DMP1: variants seen among roughly 807,000 people sequenced by gnomAD.
The protein encoded by DMP1 is dentin matrix protein 1.
Under a neutral mutation model 14.6 loss-of-function variants are expected in DMP1, and 20 were observed. The ratio of observed to expected loss-of-function variants is 1.37; its 90% CI spans 0.96 to 1.99. The LOEUF (loss-of-function observed/expected upper bound fraction) is 1.99. Ranked by LOEUF, DMP1 falls within the 30% of genes most tolerant of loss-of-function variation. The probability of loss-of-function intolerance (pLI) is 0.00; values close to 1 mark genes in which losing one functional copy is unlikely to be tolerated. For synonymous variants in DMP1, 197 were observed against 215.3 expected (o/e 0.91, Z 0.75); for missense variants, 567 against 620.5 (o/e 0.91, Z 0.92).
chr4:87,654,187 C>A (rs2110010662), intron 1 of DMP1, among the ~76,000 whole-genome samples: 1 of 152,172 alleles, frequency 6.6e-6, no homozygotes, highest in South Asian at 2.1e-4. Context: ...TTCTTTAAGG[C>A]CAGTTGTTAC....
intron 1 of DMP1, among the ~76,000 whole-genome samples, chr4:87,651,085 T>C (rs1008416937): frequency 1.3e-5 from 2 of 152,204 alleles, no homozygotes; most frequent in Non-Finnish European, 2.9e-5. Context: ...CACTTCTTCA[T>C]CTGTGTGACG....
Position 87,659,472 on chromosome 4 carries a change from G to A in DMP1, c.177G>A (p.Glu59=). The A allele has an allele frequency of 6.2e-7, 1 of 1,613,914 alleles. No homozygotes were observed. The highest frequency in any genetic ancestry group is 8.5e-7 in the Non-Finnish European group (1 of 1,179,872). Residue 59 remains glutamate (E), a synonymous_variant, in exon 5 of 6, where the codon GAG becomes GAA. Coordinates refer to ENST00000339673, the MANE Select transcript of DMP1 (RefSeq NM_004407.4). ...ESSEGSKVSS[E]EQANEDPSDS... The stretch of plus-strand genomic sequence containing the variant: ...CAGAAGGCAGTAAAGTTAGCTCAGA[G>A]GAACAGGTAATTAAACAGACCTTTC...
In DMP1 at chr4:87,662,956, C is replaced by A; in HGVS notation, c.1178C>A (p.Ser393Tyr). The A allele has an allele frequency of 6.2e-7, 1 of 1,614,156 alleles. No individual in the cohort carries two copies. The highest frequency in any genetic ancestry group is 8.5e-7 in the Non-Finnish European group (1 of 1,180,030). ...SSEEDSSHTL[S>Y]HSKSESREEQ... ...GAGGAGGACAGCTCGCACACACTCTCCCACTCAAAAAGTGAATCCAGAGAG... is the reference window on the plus strand; with the variant it reads ...GAGGAGGACAGCTCGCACACACTCTACCACTCAAAAAGTGAATCCAGAGAG... Residue 393 changes from serine (S) to tyrosine (Y), a missense_variant, in exon 6 of 6, where the codon TCC becomes TAC. By Grantham distance (144) the Ser-to-Tyr change is moderately radical. Coordinates refer to ENST00000339673, the MANE Select transcript of DMP1 (RefSeq NM_004407.4).
In DMP1 at chr4:87,654,531, A is replaced by G. The variant is rs1172723904; in HGVS notation, c.-21-1941A>G. Among the ~76,000 whole-genome samples, 4 of 152,322 alleles carry G rather than the reference A, an allele frequency of 2.6e-5. No individual in the cohort carries two copies. The East Asian group carries it at 7.7e-4, about 29-fold the overall frequency. On this transcript the variant is annotated intron_variant, in intron 1 of 5. Transcript: ENST00000339673. The stretch of plus-strand genomic sequence containing the variant: ...CCAAAATTGAGGATGCACCTGGGAA[A>G]AATGAACACAAAACTACCAGAAACA...
Position 87,663,700 on chromosome 4 carries a change from C to T in DMP1, c.*380C>T, listed in dbSNP as rs150349595. 634 of 324,902 alleles carry T rather than the reference C, an allele frequency of 2.0e-3. 3 individuals carry two copies. The highest frequency in any genetic ancestry group is 0.012 in the African/African-American group (536 of 46,548). 20.1% of individuals were successfully genotyped at this position (324,902 alleles called of 1,614,324 possible). On this transcript the variant is annotated 3_prime_UTR_variant, in exon 6 of 6. Coordinates refer to ENST00000339673, the MANE Select transcript of DMP1 (RefSeq NM_004407.4). The stretch of plus-strand genomic sequence containing the variant: ...AGACTTGTTTCTTGCTCCTGAGGAG[C>T]GTATAGAAGGACCCACAAAGCTACA...
At position 87,660,105 on chromosome 4, in the gene DMP1, CT is replaced by C. The variant is rs1728817723; in HGVS notation, c.183+628del. Among the ~76,000 whole-genome samples, 3 of 152,256 alleles carry C rather than the reference CT, an allele frequency of 2.0e-5. No individual in the cohort carries two copies. In the South Asian group the frequency reaches 6.2e-4, roughly 32 times the overall value. ...GCTATTGTTTTGACCAAACTCAATC[CT>C]GTGGGGCTCCAGAGAGTCCAGGAGC... On this transcript the variant is annotated intron_variant, in intron 5 of 5. Coordinates refer to ENST00000339673, the MANE Select transcript of DMP1 (RefSeq NM_004407.4).
intron 1 of DMP1, 39 bp from the exon 2 acceptor site, chr4:87,656,433 C>A: frequency 8.3e-7 from 1 of 1,210,546 alleles, no homozygotes; most frequent in Non-Finnish European, 1.2e-6. Flanking sequence ...TACTTTATTC[C>A]TTTAACATGG....
At chr4:87,653,386 G>GATTATAT (rs1553906464) in intron 1 of DMP1, among the ~76,000 whole-genome samples, 3 of 57,766 alleles carry the variant, frequency 5.2e-5, no homozygotes, top group Non-Finnish European at 1.1e-4. Flanking sequence ...ATTATCGAGT[G>GATTATAT]ATATATATAT....
At chr4:87,659,074 A>G (rs189066117) in intron 3 of DMP1, 146 bp from the exon 4 acceptor site, 2 of 794,802 alleles carry the variant, frequency 2.5e-6, no homozygotes, top group East Asian at 5.4e-5. Context: ...GAACCATTTC[A>G]TCATAAAATT....
intron 1 of DMP1, among the ~76,000 whole-genome samples, chr4:87,655,607 C>CA (rs1332457405): frequency 2.6e-4 from 39 of 149,256 alleles, no homozygotes; most frequent in Admixed American, 1.0e-3. Context: ...ACAAAAAAAG[C>CA]AAAAAAAAAT....
At chr4:87,658,617 C>G (rs1728767277) in intron 3 of DMP1, among the ~76,000 whole-genome samples, 1 of 152,136 alleles carries the variant, frequency 6.6e-6, no homozygotes, top group Non-Finnish European at 1.5e-5. Context: ...AAATAGTTTT[C>G]GAGATACTTC....
intron 2 of DMP1, 127 bp from the exon 3 acceptor site, chr4:87,656,905 C>A: frequency 1.4e-6 from 1 of 702,382 alleles, no homozygotes; most frequent in Non-Finnish European, 2.6e-6. Flanking sequence ...AGTGTTTTAA[C>A]AAGGCCTCCC....
chr4:87,658,854 C>T (rs1380848167), intron 3 of DMP1: 1 of 266,860 alleles, frequency 3.7e-6, no homozygotes, highest in Middle Eastern at 1.4e-3. Flanking sequence ...AGGGCTAAAA[C>T]CAAAACCAGT....
intron 1 of DMP1, among the ~76,000 whole-genome samples, chr4:87,652,985 GT>G (rs1728563045): frequency 6.6e-6 from 1 of 152,032 alleles, no homozygotes; most frequent in African/African-American, 2.4e-5. Context: ...TTTTTAAAAA[GT>G]TTTGATTGTG....
rs372248915 is a variant in DMP1, at chr4:87,663,074, C to T, written c.1296C>T (p.Gly432=). 6.2e-7 allele frequency: 1 copy of T among 1,614,062 alleles called. No individual in the cohort carries two copies. The highest frequency in any genetic ancestry group is 8.5e-7 in the Non-Finnish European group (1 of 1,180,030). ...PEDENSSSQE[G]LQSHSSSAES... Reference sequence around the variant, plus strand: ...ATGAGAACAGCTCCAGCCAGGAGGGCCTCCAGTCTCACAGCAGCTCAGCAG... The same window carrying T: ...ATGAGAACAGCTCCAGCCAGGAGGGTCTCCAGTCTCACAGCAGCTCAGCAG... The change falls in exon 6 of 6, where the codon GGC becomes GGT. Residue 432 remains glycine (G), a synonymous_variant. Transcript: ENST00000339673.
At chr4:87,659,367 T>A in intron 4 of DMP1, 64 bp from the exon 5 acceptor site, 1 of 1,598,906 alleles carries the variant, frequency 6.3e-7, no homozygotes, top group Non-Finnish European at 8.6e-7. Flanking sequence ...AATTGATGTG[T>A]ATCATGTTTT....
chr4:87,661,981 A>C lies in DMP1; in HGVS notation c.203A>C (p.Asp68Ala). 1 of 1,614,200 alleles carries C rather than the reference A, an allele frequency of 6.2e-7. No homozygotes were observed. The highest frequency in any genetic ancestry group is 8.5e-7 in the Non-Finnish European group (1 of 1,180,030). The change falls in exon 6 of 6, where the codon GAC (aspartate) becomes GCC (alanine). Residue 68 changes from aspartate to alanine, a missense_variant. Physicochemically the swap from Asp to Ala is moderately radical, Grantham distance 126 (BLOSUM62 -2). Transcript: ENST00000339673. ...SEEQANEDPSDSTQSEEGLGS... is the reference protein window; with the variant it reads ...SEEQANEDPSASTQSEEGLGS... ...TTCTAGGCAAATGAAGACCCCAGTG[A>C]CAGCACTCAGTCAGAGGAGGGCCTG...
chr4:87,656,910 C>G (rs1728714656), intron 2 of DMP1, 122 bp from the exon 3 acceptor site: 1 of 716,956 alleles, frequency 1.4e-6, no homozygotes, highest in Non-Finnish European at 2.5e-6. Flanking sequence ...TTTAACAAGG[C>G]CTCCCAGTGA....
chr4:87,657,806 G>C (rs1728742526), intron 3 of DMP1, among the ~76,000 whole-genome samples: 2 of 152,098 alleles, frequency 1.3e-5, no homozygotes, highest in Non-Finnish European at 2.9e-5. Context: ...TGGCACTAAG[G>C]GTTAAAATCT....
Sources: gnomAD v4.1 joint callset for allele counts (sites outside exome capture counted in the v4.1 genomes callset) on GRCh38, gnomAD v4.1.1 for gene constraint, MANE v1.5 for transcripts, NCBI Gene and HGNC (gene_info 2026-07-23, HGNC 2026-07-21) for gene names.